KIAA0825: variants seen among roughly 807,000 people sequenced by gnomAD.
The protein encoded by KIAA0825 is uncharacterized protein KIAA0825.
Under a neutral mutation model 147.6 loss-of-function variants are expected in KIAA0825, and 119 were observed. That is an observed-to-expected ratio of 0.81 (90% CI 0.69 to 0.94). The LOEUF (loss-of-function observed/expected upper bound fraction) is 0.94, where lower values mean the gene tolerates loss of function less well. Among genes scored for constraint, KIAA0825 ranks in the 40% least tolerant of loss-of-function variants. KIAA0825 has a pLI of 0.00. For missense variants in KIAA0825, 1,381 were observed against 1,472.7 expected (o/e 0.94, Z 1.02); for synonymous variants, 470 against 518.1 (o/e 0.91, Z 1.26).
At chr5:94,385,041 A>G (rs1748954277) in intron 19 of KIAA0825, among the ~76,000 whole-genome samples, 1 of 152,178 alleles carries the variant, frequency 6.6e-6, no homozygotes, top group Non-Finnish European at 1.5e-5. Context: ...CTATGGAGAA[A>G]AATTACTGTG....
At position 94,473,233 on chromosome 5, in the gene KIAA0825, T is replaced by C. The variant is rs992093659; in HGVS notation, c.1455+59A>G. 4.5e-5 allele frequency: 62 copies of C among 1,362,930 alleles called. No homozygotes were observed. The East Asian group carries it at 1.5e-3, about 33-fold the overall frequency. 84.4% of individuals were successfully genotyped at this position (1,362,930 alleles called of 1,614,324 possible). ...TCTACAGGTCCTTTTTGCAATGCCT[T>C]ATACTAAAATAAATCCCATCATGCC... On this transcript the variant is annotated intron_variant, in intron 8 of 20. Coordinates refer to ENST00000682413, the MANE Select transcript of KIAA0825 (RefSeq NM_001145678.3).
At chr5:94,492,023 G>A (rs1399447518) in intron 5 of KIAA0825, among the ~76,000 whole-genome samples, 2 of 152,186 alleles carry the variant, frequency 1.3e-5, no homozygotes, top group African/African-American at 4.8e-5. Context: ...AGGAAACTGA[G>A]CCTCATGAAT....
chr5:94,433,568 CAG>C (rs1318151935), intron 14 of KIAA0825, among the ~76,000 whole-genome samples: 2 of 152,192 alleles, frequency 1.3e-5, no homozygotes, highest in Non-Finnish European at 2.9e-5. Context: ...TGAATGGAAA[CAG>C]AATTTGAAAG....
chr5:94,429,794 T>C (rs1755417203), intron 14 of KIAA0825, among the ~76,000 whole-genome samples: 1 of 152,124 alleles, frequency 6.6e-6, no homozygotes, highest in African/African-American at 2.4e-5. Flanking sequence ...CGCCCAGAAG[T>C]GTCACTCGGC....
intron 20 of KIAA0825, among the ~76,000 whole-genome samples, chr5:94,373,710 G>C (rs779665343): frequency 4.6e-5 from 7 of 152,082 alleles, no homozygotes; most frequent in Non-Finnish European, 8.8e-5. Context: ...TTCAAGATGA[G>C]ATTTGGGTGG....
intron 3 of KIAA0825, among the ~76,000 whole-genome samples, chr5:94,525,789 C>T (rs940378376): frequency 4.6e-5 from 7 of 151,844 alleles, no homozygotes; most frequent in African/African-American, 1.2e-4. Context: ...TTCTAACATC[C>T]GAATCTGGGC....
intron 12 of KIAA0825, among the ~76,000 whole-genome samples, chr5:94,455,319 G>A (rs924149252): frequency 6.6e-6 from 1 of 152,140 alleles, no homozygotes; most frequent in African/African-American, 2.4e-5. Flanking sequence ...CCAAGACACA[G>A]GAGAAAGTGG....
chr5:94,311,916 G>C (rs1459955913), intron 20 of KIAA0825, among the ~76,000 whole-genome samples: 1 of 151,548 alleles, frequency 6.6e-6, no homozygotes, highest in Non-Finnish European at 1.5e-5. Context: ...CTCAAGTTCT[G>C]CCTTAGCTAG....
chr5:94,207,489 T>C (rs1373844422), intron 20 of KIAA0825, among the ~76,000 whole-genome samples: 1 of 152,186 alleles, frequency 6.6e-6, no homozygotes, highest in Non-Finnish European at 1.5e-5. Flanking sequence ...TGTTTGTAAT[T>C]GAAGACCAAG....
chr5:94,331,168 A>G (rs974221583), intron 20 of KIAA0825, among the ~76,000 whole-genome samples: 3 of 151,592 alleles, frequency 2.0e-5, no homozygotes, highest in African/African-American at 7.3e-5. Flanking sequence ...GAGAGAGAGA[A>G]AGAAAGAAGA....
At chr5:94,542,052 T>C (rs1289120577) in intron 2 of KIAA0825, among the ~76,000 whole-genome samples, 1 of 152,230 alleles carries the variant, frequency 6.6e-6, no homozygotes, top group Non-Finnish European at 1.5e-5. Flanking sequence ...CTAAGATGTT[T>C]TGTCATCCAC....
At chr5:94,531,005 A>G (rs1340593488) in intron 3 of KIAA0825, among the ~76,000 whole-genome samples, 1 of 152,204 alleles carries the variant, frequency 6.6e-6, no homozygotes, top group Admixed American at 6.5e-5. Flanking sequence ...CTTATTTGCC[A>G]TGGAAAGATA....
chr5:94,288,720 T>G (rs1777759797), intron 20 of KIAA0825, among the ~76,000 whole-genome samples: 1 of 152,192 alleles, frequency 6.6e-6, no homozygotes, highest in South Asian at 2.1e-4. Context: ...AATGGAAACT[T>G]TTGTAAAAAC....
At chr5:94,551,370 C>A (rs1027823501) in intron 2 of KIAA0825, among the ~76,000 whole-genome samples, 1 of 151,956 alleles carries the variant, frequency 6.6e-6, no homozygotes, top group Non-Finnish European at 1.5e-5. Context: ...GCTCAAATAT[C>A]CCCAAAAAGT....
At chr5:94,448,927 C>T (rs190325516) in intron 13 of KIAA0825, among the ~76,000 whole-genome samples, 17 of 152,224 alleles carry the variant, frequency 1.1e-4, no homozygotes, top group South Asian at 8.3e-4. Flanking sequence ...TCTGATTGTA[C>T]GGTGCTCTGA....
At chr5:94,168,505 G>T (rs1451541597) in intron 20 of KIAA0825, among the ~76,000 whole-genome samples, 1 of 152,126 alleles carries the variant, frequency 6.6e-6, no homozygotes, top group East Asian at 1.9e-4. Flanking sequence ...AATGCTAACA[G>T]TAACATTTTA....
intron 20 of KIAA0825, among the ~76,000 whole-genome samples, chr5:94,311,362 T>C (rs1352873278): frequency 1.1e-4 from 16 of 151,514 alleles, no homozygotes. Context: ...ATATTTCTTA[T>C]ATATGGTCTT....
intron 20 of KIAA0825, among the ~76,000 whole-genome samples, chr5:94,370,998 A>G (rs1746623858): frequency 6.6e-6 from 1 of 152,110 alleles, no homozygotes; most frequent in Admixed American, 6.6e-5. Flanking sequence ...AAAAACAGAA[A>G]TGCTTCAAAT....
At chr5:94,530,751 CT>C (rs1770630709) in intron 3 of KIAA0825, among the ~76,000 whole-genome samples, 1 of 152,158 alleles carries the variant, frequency 6.6e-6, no homozygotes, top group African/African-American at 2.4e-5. Flanking sequence ...CTCCAGTCCT[CT>C]TATAGTGTTC....
Sources: allele counts gnomAD v4.1 joint callset (sites outside exome capture counted in the v4.1 genomes callset), GRCh38; gene constraint gnomAD v4.1.1; transcripts MANE v1.5; gene names NCBI Gene and HGNC (gene_info 2026-07-23, HGNC 2026-07-21).